EXOSC1: variants seen among roughly 807,000 people sequenced by gnomAD.
EXOSC1 encodes the protein exosome component 1.
EXOSC1 carries 27 observed loss-of-function variants against 31.4 expected under a neutral mutation model. The ratio of observed to expected loss-of-function variants is 0.86; its 90% CI spans 0.63 to 1.18. The LOEUF (loss-of-function observed/expected upper bound fraction) is 1.18. Ranked by LOEUF, EXOSC1 falls within the 50% of genes most tolerant of loss-of-function variation. The pLI is 0.00. For synonymous variants in EXOSC1, 84 were observed against 89.5 expected (o/e 0.94, Z 0.35); for missense variants, 228 against 250.3 (o/e 0.91, Z 0.60).
Position 97,436,502 on chromosome 10 carries a change from G to A in EXOSC1, c.531C>T (p.Thr177=), listed in dbSNP as rs199685896. The A allele has an allele frequency of 5.6e-6, 9 of 1,613,168 alleles. No individual in the cohort carries two copies. In the East Asian group the frequency reaches 2.0e-4, roughly 36 times the overall value. ...ISWCEMQCPK[T]HTKEFRKVAR... is the part of the protein sequence containing the mutation. ...CTACTTTCCGGAATTCTTTAGTGTGGGTCTTAGGGCACTGCATCTCACACC... is the reference window on the plus strand; with the variant it reads ...CTACTTTCCGGAATTCTTTAGTGTGAGTCTTAGGGCACTGCATCTCACACC... Residue 177 remains threonine (T), a synonymous_variant, in exon 8 of 8, where the codon ACC becomes ACT. Coordinates refer to ENST00000370902, the MANE Select transcript of EXOSC1 (RefSeq NM_016046.5).
intron 4 of EXOSC1, 30 bp from the exon 5 acceptor site, chr10:97,438,733 A>G: frequency 1.3e-6 from 2 of 1,505,878 alleles, no homozygotes; most frequent in Non-Finnish European, 1.8e-6. Flanking sequence ...AGAAAGATTA[A>G]TTACCTGTGA....
intron 4 of EXOSC1, among the ~76,000 whole-genome samples, chr10:97,438,953 T>C (rs1422030721): frequency 1.3e-5 from 2 of 151,980 alleles, no homozygotes; most frequent in Non-Finnish European, 2.9e-5. Flanking sequence ...GGTTTCACCA[T>C]GTTGGCCAGG....
rs11316935 is a variant in EXOSC1 at position 97,438,750 on chromosome 10, A to ATTTTTTTT, written c.312-55_312-48dup. 4.0e-6 allele frequency: 4 copies of ATTTTTTTT among 996,874 alleles called. No individual in the cohort carries two copies. The African/African-American group carries it at 5.5e-5, about 14-fold the overall frequency. 61.8% of individuals were successfully genotyped at this position (996,874 alleles called of 1,614,324 possible). A position where few individuals can be genotyped will look rare whatever the true frequency, so the allele number is the denominator to read the frequency against. ...AAAGATTAATTACCTGTGAGAAAGA[A>ATTTTTTTT]TTTTTTTTTTTTTTTTTTTTGAGAC... On this transcript the variant is annotated intron_variant, in intron 4 of 7. Coordinates refer to ENST00000370902, the MANE Select transcript of EXOSC1 (RefSeq NM_016046.5).
chr10:97,437,339 T>C, intron 6 of EXOSC1, 64 bp from the exon 7 acceptor site: 1 of 1,336,652 alleles, frequency 7.5e-7, no homozygotes, highest in Non-Finnish European at 1.1e-6. Context: ...CTTAGCCACC[T>C]GAGTTGTTTT....
chr10:97,443,341 G>C, intron 2 of EXOSC1, 30 bp from the exon 3 acceptor site: 3 of 1,598,456 alleles, frequency 1.9e-6, no homozygotes, highest in Non-Finnish European at 2.6e-6. Context: ...AAACTGAAAT[G>C]TCCTGACTAA....
Position 97,436,392 on chromosome 10 carries a change from G to T in EXOSC1, c.*53C>A. On this transcript the variant is annotated 3_prime_UTR_variant, in exon 8 of 8. Transcript: ENST00000370902. ...GTTTGAATAAAGACAGCAGCATCTT[G>T]GTGTTATACTCAGGAACAGCTTACC... 1.5e-6 allele frequency: 2 copies of T among 1,298,644 alleles called. No homozygotes were observed. Among genetic ancestry groups the T allele is most frequent in the Non-Finnish European group, 2.2e-6 (2 of 900,862 alleles). 80.4% of individuals were successfully genotyped at this position (1,298,644 alleles called of 1,614,324 possible).
At chr10:97,445,881 C>T in intron 1 of EXOSC1, 34 bp from the exon 2 acceptor site, 1 of 1,612,832 alleles carries the variant, frequency 6.2e-7, no homozygotes, top group Admixed American at 1.7e-5. Flanking sequence ...TCACGGGCCC[C>T]CAGAAGCTGT....
At chr10:97,437,655 C>T in intron 6 of EXOSC1, 45 bp downstream of exon 6, 1 of 1,593,082 alleles carries the variant, frequency 6.3e-7, no homozygotes, top group Non-Finnish European at 8.6e-7. Context: ...GCCTCCTTCT[C>T]TTCTTTTGAC....
At chr10:97,437,849 G>C in intron 5 of EXOSC1, 99 bp from the exon 6 acceptor site, 1 of 972,330 alleles carries the variant, frequency 1.0e-6, no homozygotes, top group Non-Finnish European at 1.6e-6. Context: ...TCTAATCCTG[G>C]AGGGTAGAAA....
intron 5 of EXOSC1, 101 bp downstream of exon 5, chr10:97,438,569 T>A: frequency 9.1e-7 from 1 of 1,098,272 alleles, no homozygotes; most frequent in East Asian, 2.4e-5. Context: ...CCTCCCAAAG[T>A]ACTGGGATTA....
At chr10:97,443,977 A>G (rs898680961) in intron 2 of EXOSC1, 1 of 152,038 alleles carries the variant, frequency 6.6e-6, no homozygotes, top group Non-Finnish European at 1.5e-5. Flanking sequence ...TATTTTTAGT[A>G]GAGATGGGGT....
chr10:97,445,903 C>G, intron 1 of EXOSC1, 52 bp downstream of exon 1: 1 of 1,613,668 alleles, frequency 6.2e-7, no homozygotes, highest in South Asian at 1.1e-5. Flanking sequence ...GGCCGTTTAG[C>G]CTTCTTGCTT....
At chr10:97,442,590 C>T (rs1038498986) in intron 3 of EXOSC1, among the ~76,000 whole-genome samples, 9 of 152,180 alleles carry the variant, frequency 5.9e-5, no homozygotes, top group African/African-American at 2.2e-4. Context: ...CTCACTGCAG[C>T]CTCAACCCCC....
At chr10:97,441,684 T>G (rs976590094) in intron 3 of EXOSC1, among the ~76,000 whole-genome samples, 4 of 151,308 alleles carry the variant, frequency 2.6e-5, no homozygotes, top group African/African-American at 7.3e-5. Flanking sequence ...GAGACAGGGT[T>G]TCTCCATGTT....
chr10:97,445,650 C>A (rs1845934345), intron 2 of EXOSC1, 82 bp downstream of exon 2: 11 of 1,302,970 alleles, frequency 8.4e-6, no homozygotes, highest in Non-Finnish European at 1.2e-5. Context: ...AAGACGCGTC[C>A]GCAGTGCCCA....
At position 97,436,457 on chromosome 10, in the gene EXOSC1, G is replaced by T. The variant is rs1266192874; in HGVS notation, c.576C>A (p.Phe192Leu). 8.1e-6 allele frequency: 13 copies of T among 1,612,752 alleles called. No individual in the cohort carries two copies. The Admixed American group carries it at 2.0e-4, about 25-fold the overall frequency. ...FRKVARVQPE[F>L]LQT ...AAAAAGTGGCTTCTTAGGTCTGCAA[G>T]AATTCGGGTTGTACTCGGGCTACTT... The change falls in exon 8 of 8, where the codon TTC becomes TTA. Residue 192 changes from phenylalanine (F) to leucine (L), a missense_variant. Physicochemically the swap from Phe to Leu is conservative, Grantham distance 22. Transcript: ENST00000370902.
At chr10:97,442,103 A>G (rs946231795) in intron 3 of EXOSC1, among the ~76,000 whole-genome samples, 2 of 151,568 alleles carry the variant, frequency 1.3e-5, no homozygotes, top group Non-Finnish European at 2.9e-5. Flanking sequence ...CTTGAACCCA[A>G]GAGGCCAGAG....
intron 4 of EXOSC1, 130 bp from the exon 5 acceptor site, chr10:97,438,833 C>A: frequency 1.5e-6 from 1 of 680,432 alleles, no homozygotes. Context: ...CTCACTGCAA[C>A]CTCCGCCTCC....
In EXOSC1 at chr10:97,445,993, GC is replaced by G. The variant is rs1564793522; in HGVS notation, c.-9del. The G allele has an allele frequency of 5.0e-6, 8 of 1,614,214 alleles. No homozygotes were observed. Among genetic ancestry groups the G allele is most frequent in the Non-Finnish European group, 6.8e-6 (8 of 1,180,042 alleles). On this transcript the variant is annotated 5_prime_UTR_variant, in exon 1 of 8. Coordinates refer to ENST00000370902, the MANE Select transcript of EXOSC1 (RefSeq NM_016046.5). ...TCTCACAGGTGGCGCCATGATTGCC[GC>G]TGTCCCAAAACCAGGATGAAAACGA...
Sources: gnomAD v4.1 joint callset for allele counts (sites outside exome capture counted in the v4.1 genomes callset) on GRCh38, gnomAD v4.1.1 for gene constraint, MANE v1.5 for transcripts, NCBI Gene and HGNC (gene_info 2026-07-23, HGNC 2026-07-21) for gene names.